The following SLC39A11 variants were observed in gnomAD, a reference collection of about 807,000 sequenced individuals.
SLC39A11 encodes zinc transporter ZIP11.
SLC39A11 carries 33 observed loss-of-function variants against 36.1 expected under a neutral mutation model. The observed-to-expected ratio is 0.91, with a 90% CI of 0.69 to 1.22. The LOEUF (loss-of-function observed/expected upper bound fraction) is 1.22. Ranked by LOEUF, SLC39A11 falls within the 50% of genes most tolerant of loss-of-function variation. The probability of loss-of-function intolerance (pLI) is 0.00; values close to 1 mark genes in which losing one functional copy is unlikely to be tolerated. For missense variants in SLC39A11, 432 were observed against 430.3 expected (o/e 1.00, Z -0.03); for synonymous variants, 166 against 170.3 (o/e 0.97, Z 0.20).
chr17:72,791,466 A>T (rs977363933), intron 6 of SLC39A11, among the ~76,000 whole-genome samples: 2 of 152,168 alleles, frequency 1.3e-5, no homozygotes, highest in Admixed American at 6.6e-5. Flanking sequence ...CAAACAAACA[A>T]AGGAAAAAGT....
At chr17:72,717,656 T>C (rs2073464490) in intron 7 of SLC39A11, among the ~76,000 whole-genome samples, 1 of 152,238 alleles carries the variant, frequency 6.6e-6, no homozygotes, top group Admixed American at 6.5e-5. Flanking sequence ...CCTAATCCAG[T>C]ACGAGCTGAT....
intron 5 of SLC39A11, among the ~76,000 whole-genome samples, chr17:72,916,500 G>C (rs1197667695): frequency 6.6e-6 from 1 of 152,084 alleles, no homozygotes; most frequent in African/African-American, 2.4e-5. Context: ...GCCACACCCA[G>C]CTGTTACCAT....
intron 3 of SLC39A11, among the ~76,000 whole-genome samples, chr17:73,065,066 G>A (rs1310007530): frequency 3.3e-5 from 5 of 152,088 alleles, no homozygotes; most frequent in Non-Finnish European, 5.9e-5. Flanking sequence ...GGGGGAAAGA[G>A]ATTGATTCCT....
chr17:73,043,141 C>T (rs973910191), intron 3 of SLC39A11, among the ~76,000 whole-genome samples: 1 of 152,104 alleles, frequency 6.6e-6, no homozygotes, highest in Admixed American at 6.5e-5. Context: ...AAAAGCAGAA[C>T]ATCAAAGAAC....
chr17:73,025,760 A>C (rs1026472495), intron 4 of SLC39A11, among the ~76,000 whole-genome samples: 4 of 152,222 alleles, frequency 2.6e-5, no homozygotes, highest in Admixed American at 6.5e-5. Context: ...CAATACAAGC[A>C]AATTGGAAAA....
At chr17:73,021,821 T>C (rs2058362056) in intron 4 of SLC39A11, among the ~76,000 whole-genome samples, 2 of 152,116 alleles carry the variant, frequency 1.3e-5, no homozygotes, top group African/African-American at 4.8e-5. Context: ...GAGAAGGAAA[T>C]CTAAGTCCTA....
At chr17:72,904,600 C>T (rs929437399) in intron 5 of SLC39A11, among the ~76,000 whole-genome samples, 1 of 152,182 alleles carries the variant, frequency 6.6e-6, no homozygotes, top group Non-Finnish European at 1.5e-5. Context: ...GCACCCCAGG[C>T]CTTTGCCACT....
chr17:72,882,442 G>A (rs2081242637), intron 5 of SLC39A11, among the ~76,000 whole-genome samples: 1 of 151,226 alleles, frequency 6.6e-6, no homozygotes, highest in South Asian at 2.1e-4. Flanking sequence ...ACACGGAGAA[G>A]AGAAATGCTC....
chr17:72,710,601 G>A (rs1355898850), intron 7 of SLC39A11, among the ~76,000 whole-genome samples: 3 of 152,168 alleles, frequency 2.0e-5, no homozygotes, highest in Non-Finnish European at 4.4e-5. Context: ...GGACTTTACA[G>A]CCTCTAGAAC....
chr17:72,653,597 G>A (rs780747296), intron 7 of SLC39A11, among the ~76,000 whole-genome samples: 34 of 151,914 alleles, frequency 2.2e-4, no homozygotes, highest in Non-Finnish European at 3.2e-4. Flanking sequence ...CCACCACCAC[G>A]CCCAGCTAAT....
chr17:72,779,072 G>C (rs1055724363), intron 6 of SLC39A11, among the ~76,000 whole-genome samples: 2 of 152,200 alleles, frequency 1.3e-5, no homozygotes, highest in Non-Finnish European at 2.9e-5. Context: ...GAATACGTTG[G>C]ATGAGGCTCC....
chr17:72,659,048 A>G (rs1294375159), intron 7 of SLC39A11, among the ~76,000 whole-genome samples: 5 of 152,194 alleles, frequency 3.3e-5, no homozygotes, highest in African/African-American at 1.2e-4. Flanking sequence ...TCCTGGGCAG[A>G]ACCATGTCCT....
At chr17:72,728,250 C>T (rs2143751983) in intron 7 of SLC39A11, among the ~76,000 whole-genome samples, 1 of 152,204 alleles carries the variant, frequency 6.6e-6, no homozygotes, top group East Asian at 1.9e-4. Flanking sequence ...AGTTGGAGGC[C>T]AGCCTGGGCA....
At chr17:73,015,786 T>C (rs2090769808) in intron 4 of SLC39A11, among the ~76,000 whole-genome samples, 1 of 152,192 alleles carries the variant, frequency 6.6e-6, no homozygotes, top group African/African-American at 2.4e-5. Context: ...TTTCCCCATA[T>C]TGGCCAGGCT....
At chr17:72,948,745 G>A (rs949960944) in intron 4 of SLC39A11, among the ~76,000 whole-genome samples, 4 of 152,190 alleles carry the variant, frequency 2.6e-5, no homozygotes, top group South Asian at 2.1e-4. Context: ...AAAATCGTGC[G>A]TTTGATCCTC....
intron 7 of SLC39A11, among the ~76,000 whole-genome samples, chr17:72,655,458 G>A (rs2070066527): frequency 6.6e-6 from 1 of 152,256 alleles, no homozygotes; most frequent in African/African-American, 2.4e-5. Context: ...GCCCTGCCCT[G>A]GAGATCTCGG....
chr17:72,711,924 C>G (rs899875185), intron 7 of SLC39A11, among the ~76,000 whole-genome samples: 13 of 152,184 alleles, frequency 8.5e-5, no homozygotes, highest in African/African-American at 3.1e-4. Context: ...TTCTCTGTCT[C>G]CTGCTTTCTA....
At chr17:72,689,285 C>CTAAGAAATTA (rs1405800881) in intron 7 of SLC39A11, among the ~76,000 whole-genome samples, 3 of 152,206 alleles carry the variant, frequency 2.0e-5, no homozygotes, top group Admixed American at 2.0e-4. Flanking sequence ...TTTGCCTTTT[C>CTAAGAAATTA]TAAGAAATTA....
chr17:73,068,243 G>C, intron 3 of SLC39A11: 1 of 790,840 alleles, frequency 1.3e-6, no homozygotes, highest in South Asian at 1.7e-5. Flanking sequence ...CCCTCCAGTA[G>C]CACTTGAGGG....
Sources: gnomAD v4.1 joint callset for allele counts (sites outside exome capture counted in the v4.1 genomes callset) on GRCh38, gnomAD v4.1.1 for gene constraint, MANE v1.5 for transcripts, NCBI Gene and HGNC (gene_info 2026-07-23, HGNC 2026-07-21) for gene names.